APP: variants seen among roughly 807,000 people sequenced by gnomAD.
APP encodes amyloid beta precursor protein.
In APP, 31 loss-of-function variants were observed where a neutral mutation model predicts 101.4. The observed-to-expected ratio is 0.31, with a 90% confidence interval of 0.23 to 0.41. The LOEUF (loss-of-function observed/expected upper bound fraction) is 0.41. Ranked by LOEUF, APP falls within the 10% of genes least tolerant of loss-of-function variation. The pLI is 1.00. For missense variants in APP, 839 were observed against 1,003.7 expected (o/e 0.84, Z 2.22); for synonymous variants, 366 against 364.4 (o/e 1.00, Z -0.05).
intron 8 of APP, among the ~76,000 whole-genome samples, chr21:25,985,651 A>G (rs1007057222): frequency 4.6e-5 from 7 of 152,118 alleles, no homozygotes; most frequent in Non-Finnish European, 1.0e-4. Flanking sequence ...GTGTGAGTCA[A>G]TTCTGCAGAA....
intron 8 of APP, among the ~76,000 whole-genome samples, chr21:25,991,606 G>A (rs2042868961): frequency 6.6e-6 from 1 of 152,214 alleles, no homozygotes. Flanking sequence ...TCGAATTCCT[G>A]ACCTCAGGTG....
intron 8 of APP, among the ~76,000 whole-genome samples, chr21:25,996,260 G>T (rs775113698): frequency 6.6e-6 from 1 of 152,178 alleles, no homozygotes; most frequent in Non-Finnish European, 1.5e-5. Flanking sequence ...CAAAAGGTGA[G>T]CACCTCTAAC....
At chr21:25,981,079 T>C (rs1197360413) in intron 9 of APP, among the ~76,000 whole-genome samples, 2 of 151,730 alleles carry the variant, frequency 1.3e-5, no homozygotes, top group African/African-American at 2.4e-5. Context: ...TATAAGAAGG[T>C]GGTTGGGAGT....
At chr21:25,914,426 C>T (rs2039236501) in intron 13 of APP, among the ~76,000 whole-genome samples, 1 of 149,218 alleles carries the variant, frequency 6.7e-6, no homozygotes, top group African/African-American at 2.5e-5. Flanking sequence ...AGTTCCACCC[C>T]GTGCCCCCGA....
chr21:26,145,975 G>A (rs543847554), intron 1 of APP, among the ~76,000 whole-genome samples: 27 of 152,154 alleles, frequency 1.8e-4, no homozygotes, highest in African/African-American at 5.5e-4. Flanking sequence ...TCATCTGTGC[G>A]CATTTATACA....
chr21:25,925,273 C>G (rs1201949703), intron 13 of APP, among the ~76,000 whole-genome samples: 1 of 152,212 alleles, frequency 6.6e-6, no homozygotes, highest in African/African-American at 2.4e-5. Context: ...ATTCTTGGCT[C>G]AACATACAAC....
intron 9 of APP, among the ~76,000 whole-genome samples, chr21:25,978,185 T>A (rs1568797294): frequency 6.6e-6 from 1 of 152,212 alleles, no homozygotes; most frequent in Non-Finnish European, 1.5e-5. Flanking sequence ...ACTCACATTT[T>A]GATTTTCAGA....
intron 2 of APP, among the ~76,000 whole-genome samples, chr21:26,103,800 G>C (rs944289438): frequency 6.6e-6 from 1 of 152,180 alleles, no homozygotes; most frequent in Non-Finnish European, 1.5e-5. Context: ...CTCTAGGTCA[G>C]AGCTAAGTGT....
chr21:25,901,354 C>T (rs1044524698), intron 15 of APP, among the ~76,000 whole-genome samples: 1 of 148,502 alleles, frequency 6.7e-6, no homozygotes. Context: ...ACTTTACAAG[C>T]CCACACTACT....
At chr21:26,149,858 A>C (rs2063227163) in intron 1 of APP, among the ~76,000 whole-genome samples, 1 of 152,186 alleles carries the variant, frequency 6.6e-6, no homozygotes, top group Non-Finnish European at 1.5e-5. Flanking sequence ...AATGAATGCA[A>C]ATTGATGGAA....
At chr21:26,103,317 G>C (rs186161981) in intron 2 of APP, among the ~76,000 whole-genome samples, 1 of 152,228 alleles carries the variant, frequency 6.6e-6, no homozygotes, top group African/African-American at 2.4e-5. Context: ...TTAGAATTCT[G>C]TCGATGGAAG....
At chr21:26,166,898 GAGAGAGAA>G (rs1316274714) in intron 1 of APP, among the ~76,000 whole-genome samples, 3,545 of 40,658 alleles carry the variant, frequency 0.087, 106 homozygotes, top group African/African-American at 0.32. Context: ...GAGAGAGAGA[GAGAGAGAA>G]AGAGAGAGAA....
At chr21:26,121,084 C>A (rs564379135) in intron 1 of APP, among the ~76,000 whole-genome samples, 25 of 152,238 alleles carry the variant, frequency 1.6e-4, no homozygotes, top group African/African-American at 5.8e-4. Flanking sequence ...GCAGACTGAT[C>A]ATGTGACACT....
At chr21:26,069,640 T>G (rs1265864830) in intron 3 of APP, among the ~76,000 whole-genome samples, 2 of 152,234 alleles carry the variant, frequency 1.3e-5, no homozygotes, top group Non-Finnish European at 2.9e-5. Context: ...CACCCCACTG[T>G]GCTCTTCAAG....
At chr21:25,983,606 A>G (rs1015554066) in intron 8 of APP, among the ~76,000 whole-genome samples, 8 of 152,268 alleles carry the variant, frequency 5.3e-5, no homozygotes, top group Non-Finnish European at 1.0e-4. Context: ...TAAAACCGGA[A>G]GGCTGTTAAA....
intron 8 of APP, among the ~76,000 whole-genome samples, chr21:25,991,385 T>C (rs182735888): frequency 5.7e-4 from 87 of 152,302 alleles, no homozygotes; most frequent in Admixed American, 5.9e-4. Context: ...CTACCTTTTT[T>C]TTCCCCCTTG....
chr21:25,892,645 T>TG (rs1231517320), intron 16 of APP, among the ~76,000 whole-genome samples: 1 of 152,256 alleles, frequency 6.6e-6, no homozygotes, highest in Admixed American at 6.5e-5. Context: ...GCTTTATTCT[T>TG]GCTCTTTATT....
intron 16 of APP, 109 bp downstream of exon 16, chr21:25,897,464 T>C: frequency 3.3e-6 from 3 of 901,528 alleles, no homozygotes; most frequent in Non-Finnish European, 3.7e-6. Flanking sequence ...AGGCAAGCAT[T>C]GTATTTTTAT....
At chr21:26,159,689 CTT>C (rs1235952719) in intron 1 of APP, among the ~76,000 whole-genome samples, 6 of 152,128 alleles carry the variant, frequency 3.9e-5, no homozygotes, top group Non-Finnish European at 5.9e-5. Context: ...CATCCAATGT[CTT>C]TTTCTCTGCA....
Sources: gnomAD v4.1 joint callset for allele counts (sites outside exome capture counted in the v4.1 genomes callset) on GRCh38, gnomAD v4.1.1 for gene constraint, MANE v1.5 for transcripts, NCBI Gene and HGNC (gene_info 2026-07-23, HGNC 2026-07-21) for gene names.